CDK14: variants seen among roughly 807,000 people sequenced by gnomAD.
CDK14 encodes cyclin dependent kinase 14.
In CDK14, 34 loss-of-function variants were observed where a neutral mutation model predicts 60.7. The ratio of observed to expected loss-of-function variants is 0.56; its 90% CI spans 0.43 to 0.75. CDK14 has a LOEUF of 0.75. Ranked by LOEUF, CDK14 falls within the 30% of genes least tolerant of loss-of-function variation. CDK14 has a pLI of 0.00. For missense variants in CDK14, 482 were observed against 564.1 expected (o/e 0.85, Z 1.47); for synonymous variants, 197 against 203.7 (o/e 0.97, Z 0.28).
At chr7:90,976,984 G>T (rs546655266) in intron 9 of CDK14, among the ~76,000 whole-genome samples, 2 of 152,118 alleles carry the variant, frequency 1.3e-5, no homozygotes, top group South Asian at 2.1e-4. Flanking sequence ...TACTTTTGTT[G>T]CCTGTGCTTT....
intron 5 of CDK14, among the ~76,000 whole-genome samples, chr7:90,844,243 A>T (rs753351081): frequency 6.6e-6 from 1 of 152,198 alleles, no homozygotes; most frequent in Non-Finnish European, 1.5e-5. Flanking sequence ...GAATTAGGAG[A>T]GGTAAATTCT....
chr7:91,158,179 A>T (rs949926854), intron 14 of CDK14, among the ~76,000 whole-genome samples: 1 of 148,182 alleles, frequency 6.7e-6, no homozygotes, highest in Non-Finnish European at 1.5e-5. Context: ...TACATTAAAT[A>T]TACATAAAAT....
At chr7:90,659,338 A>T (rs1279307999) in intron 2 of CDK14, among the ~76,000 whole-genome samples, 1 of 152,124 alleles carries the variant, frequency 6.6e-6, no homozygotes. Context: ...AGTTTATAGC[A>T]TTTTCGCAGG....
At chr7:90,858,128 T>C (rs935038233) in intron 5 of CDK14, among the ~76,000 whole-genome samples, 7 of 152,206 alleles carry the variant, frequency 4.6e-5, no homozygotes, top group African/African-American at 1.4e-4. Context: ...TAGGATGTAA[T>C]GTGGAGGCTT....
At chr7:91,066,629 T>C (rs1797988876) in intron 11 of CDK14, among the ~76,000 whole-genome samples, 1 of 152,200 alleles carries the variant, frequency 6.6e-6, no homozygotes, top group African/African-American at 2.4e-5. Flanking sequence ...TTCCTGTGGG[T>C]TAAAGTTTGC....
chr7:90,652,699 A>C (rs1800669462), intron 2 of CDK14, among the ~76,000 whole-genome samples: 2 of 152,182 alleles, frequency 1.3e-5, no homozygotes, highest in African/African-American at 2.4e-5. Flanking sequence ...TGAGCACTTT[A>C]TTTATGTTGT....
intron 6 of CDK14, among the ~76,000 whole-genome samples, chr7:90,895,646 C>T (rs965664869): frequency 1.4e-5 from 2 of 143,404 alleles, no homozygotes; most frequent in African/African-American, 2.6e-5. Context: ...CTGCAACCTC[C>T]GTCTCTCGTG....
intron 14 of CDK14, among the ~76,000 whole-genome samples, chr7:91,148,275 AG>A (rs1800718044): frequency 1.3e-5 from 2 of 152,084 alleles, no homozygotes; most frequent in Admixed American, 1.3e-4. Flanking sequence ...GTCCCAGCTG[AG>A]GTGGGGAAAT....
chr7:90,824,433 G>A (rs559480717), intron 5 of CDK14, among the ~76,000 whole-genome samples: 6 of 152,282 alleles, frequency 3.9e-5, no homozygotes, highest in African/African-American at 7.2e-5. Flanking sequence ...GCATAGTACC[G>A]AAGAGGTTTT....
intron 2 of CDK14, among the ~76,000 whole-genome samples, chr7:90,657,385 C>T (rs1800773305): frequency 1.3e-5 from 2 of 152,096 alleles, no homozygotes; most frequent in South Asian, 4.1e-4. Context: ...ACAGAGCTCT[C>T]AATAGTTGAT....
At chr7:90,824,880 A>C (rs1004689015) in intron 5 of CDK14, 9 of 152,224 alleles carry the variant, frequency 5.9e-5, no homozygotes, top group African/African-American at 1.9e-4. Context: ...AGACAATATA[A>C]CTTGGAGTCA....
chr7:91,008,434 T>C lies in CDK14; in HGVS notation c.1041+24193T>C, dbSNP rs1323666145. Among the ~76,000 whole-genome samples, 4 of 152,312 alleles carry C rather than the reference T, an allele frequency of 2.6e-5. No individual in the cohort carries two copies. In the East Asian group the frequency reaches 7.7e-4, roughly 29 times the overall value. On this transcript the variant is annotated intron_variant, in intron 10 of 14. Transcript: ENST00000380050. ...AAACTTTCTTAAATTCAGACTGCAT[T>C]TGAAGTCATTGTTTGAGGTTTCATG...
At chr7:91,178,524 A>C (rs1801862977) in intron 14 of CDK14, among the ~76,000 whole-genome samples, 1 of 151,054 alleles carries the variant, frequency 6.6e-6, no homozygotes, top group African/African-American at 2.4e-5. Flanking sequence ...GTGAACAGGC[A>C]ACCTACAAAA....
intron 10 of CDK14, among the ~76,000 whole-genome samples, chr7:91,013,174 A>C (rs1448852549): frequency 6.6e-6 from 1 of 152,182 alleles, no homozygotes; most frequent in South Asian, 2.1e-4. Context: ...CTGAACCCCA[A>C]ATTTCTTTTT....
chr7:90,729,516 G>A (rs1366757284), intron 3 of CDK14, among the ~76,000 whole-genome samples: 1 of 151,332 alleles, frequency 6.6e-6, no homozygotes, highest in East Asian at 1.9e-4. Flanking sequence ...GTATGAATTG[G>A]TAAGGGGGAG....
intron 5 of CDK14, among the ~76,000 whole-genome samples, chr7:90,801,891 C>A (rs528726204): frequency 5.9e-5 from 9 of 152,120 alleles, no homozygotes; most frequent in African/African-American, 1.9e-4. Flanking sequence ...ACTTCTTACC[C>A]CTATCACCTT....
chr7:91,170,301 A>T (rs2115795853), intron 14 of CDK14, among the ~76,000 whole-genome samples: 1 of 152,310 alleles, frequency 6.6e-6, no homozygotes, highest in African/African-American at 2.4e-5. Context: ...GGGCTCTTTT[A>T]ACATTCCCTA....
At chr7:90,961,990 G>A (rs963654041) in intron 9 of CDK14, among the ~76,000 whole-genome samples, 17 of 152,222 alleles carry the variant, frequency 1.1e-4, no homozygotes, top group African/African-American at 4.1e-4. Context: ...ACATTTGAGT[G>A]TTTAATTCAC....
chr7:90,895,354 T>TCTCCTCC (rs1792270693), intron 6 of CDK14, among the ~76,000 whole-genome samples: 1 of 39,434 alleles, frequency 2.5e-5, no homozygotes, highest in Non-Finnish European at 5.1e-5. Flanking sequence ...TCCTCTCCTC[T>TCTCCTCC]CCTCACCTCT....
Sources: gnomAD v4.1 joint callset for allele counts (sites outside exome capture counted in the v4.1 genomes callset) on GRCh38, gnomAD v4.1.1 for gene constraint, MANE v1.5 for transcripts, NCBI Gene and HGNC (gene_info 2026-07-23, HGNC 2026-07-21) for gene names.